Variants in NUDCD3 observed in about 807,000 individuals in gnomAD.
NUDCD3 encodes NudC domain containing 3, also known as nudC domain-containing protein 3.
NUDCD3 carries 13 observed loss-of-function variants against 39.7 expected under a neutral mutation model. The observed-to-expected ratio is 0.33, with a 90% CI of 0.21 to 0.52. The LOEUF is 0.52. Ranked by LOEUF, NUDCD3 falls within the 20% of genes least tolerant of loss-of-function variation. The pLI is 0.96. For synonymous variants in NUDCD3, 175 were observed against 172.4 expected, an observed-to-expected ratio of 1.02 and a Z score of -0.12; for missense variants, 453 against 458.1, an observed-to-expected ratio of 0.99 and a Z score of 0.10.
intron 4 of NUDCD3, among the ~76,000 whole-genome samples, chr7:44,398,276 T>G (rs1420602827): frequency 1.3e-5 from 2 of 152,220 alleles, no homozygotes; most frequent in African/African-American, 4.8e-5. Context: ...TGAAATTATC[T>G]ATCTATTGCT....
intron 5 of NUDCD3, among the ~76,000 whole-genome samples, chr7:44,386,701 C>G (rs987209855): frequency 1.6e-4 from 25 of 152,226 alleles, no homozygotes; most frequent in African/African-American, 5.8e-4. Flanking sequence ...ACCCGTCAGT[C>G]AGGAATTCCC....
intron 1 of NUDCD3, 56 bp from the exon 2 acceptor site, chr7:44,485,340 A>T: frequency 7.3e-7 from 1 of 1,367,240 alleles, no homozygotes; most frequent in Non-Finnish European, 1.0e-6. Context: ...TGTACCACAT[A>T]TCTTGTAGAA....
intron 2 of NUDCD3, among the ~76,000 whole-genome samples, chr7:44,447,858 G>T (rs907245059): frequency 1.3e-5 from 2 of 152,108 alleles, no homozygotes; most frequent in Non-Finnish European, 2.9e-5. Context: ...ATCAGCAAGG[G>T]GCACCTCTGT....
At chr7:44,412,696 G>A (rs1585062099) in intron 3 of NUDCD3, among the ~76,000 whole-genome samples, 1 of 152,026 alleles carries the variant, frequency 6.6e-6, no homozygotes, top group Admixed American at 6.5e-5. Flanking sequence ...GGGAGGCCGA[G>A]GCAGGTGGAT....
In NUDCD3 at chr7:44,384,588, G is replaced by C. The variant is rs1164653691; in HGVS notation, c.*1423C>G. ...CAAACCACAAACTTACTCTCCAAGA[G>C]AGCCCCCACAACCCAAGTATCCATA... On this transcript the variant is annotated 3_prime_UTR_variant, in exon 6 of 6. Coordinates refer to ENST00000355451, the MANE Select transcript of NUDCD3 (RefSeq NM_015332.4). 1 of 152,234 alleles carries C rather than the reference G, an allele frequency of 6.6e-6. No homozygotes were observed. Among genetic ancestry groups the C allele is most frequent in the African/African-American group, 2.4e-5 (1 of 41,462 alleles). 9.4% of individuals were successfully genotyped at this position (152,234 alleles called of 1,614,324 possible). A position where few individuals can be genotyped will look rare whatever the true frequency, so the allele number is the denominator to read the frequency against.
chr7:44,404,584 C>T lies in NUDCD3; in HGVS notation c.643-1G>A. The T allele has an allele frequency of 6.2e-7, 1 of 1,613,432 alleles. No homozygotes were observed. Among genetic ancestry groups the T allele is most frequent in the Non-Finnish European group, 8.5e-7 (1 of 1,179,902 alleles). On this transcript the variant is annotated splice_acceptor_variant, in intron 3 of 5. Coordinates refer to ENST00000355451, the MANE Select transcript of NUDCD3 (RefSeq NM_015332.4). LOFTEE classifies it high-confidence loss of function. The stretch of plus-strand genomic sequence containing the variant: ...AGCTGCTGCTAAGGGCCACTGAGAC[C>T]TGGGGACACAGCAGAAGAAAATCAT...
At chr7:44,487,170 T>C (rs769089789) in intron 1 of NUDCD3, among the ~76,000 whole-genome samples, 7 of 152,224 alleles carry the variant, frequency 4.6e-5, no homozygotes, top group Non-Finnish European at 1.0e-4. Flanking sequence ...TAATGTATTA[T>C]AAAATGGAAT....
chr7:44,455,997 G>A, intron 2 of NUDCD3, among the ~76,000 whole-genome samples: 1 of 107,386 alleles, frequency 9.3e-6, no homozygotes. Context: ...CTGCACTCCA[G>A]CCTGGGCGAC....
intron 2 of NUDCD3, among the ~76,000 whole-genome samples, chr7:44,454,835 TG>T (rs968756995): frequency 6.6e-6 from 1 of 151,928 alleles, no homozygotes; most frequent in Non-Finnish European, 1.5e-5. Flanking sequence ...CCAGAGGCTA[TG>T]GGTAGGAGGA....
chr7:44,389,531 A>C (rs1489066943), intron 5 of NUDCD3, among the ~76,000 whole-genome samples: 3 of 152,218 alleles, frequency 2.0e-5, no homozygotes, highest in Non-Finnish European at 4.4e-5. Flanking sequence ...ACAAAAATAC[A>C]AAATAAGGAG....
At chr7:44,484,714 C>A in intron 2 of NUDCD3, 1 of 422,690 alleles carries the variant, frequency 2.4e-6, no homozygotes, top group African/African-American at 2.0e-5. Context: ...GAGTCAAGTG[C>A]TCTAATTTTG....
chr7:44,399,240 C>T (rs1433626966), intron 4 of NUDCD3, among the ~76,000 whole-genome samples: 1 of 152,194 alleles, frequency 6.6e-6, no homozygotes, highest in East Asian at 1.9e-4. Context: ...CTTGGGCTAC[C>T]GCCTTCTGTT....
Position 44,380,832 on chromosome 7 carries a change from TC to T in NUDCD3, c.*5178del, listed in dbSNP as rs1334120746. On this transcript the variant is annotated 3_prime_UTR_variant, in exon 6 of 6. Coordinates refer to ENST00000355451, the MANE Select transcript of NUDCD3 (RefSeq NM_015332.4). ...GCTCGCTTTCCCTGCTAGAGGGGCCTCCTCCAAACCCCACAGTGCCCCAACA... is the reference window on the plus strand; with the variant it reads ...GCTCGCTTTCCCTGCTAGAGGGGCCTCTCCAAACCCCACAGTGCCCCAACA... 6.6e-6 allele frequency: 1 copy of T among 152,324 alleles called. No individual in the cohort carries two copies. Among genetic ancestry groups the T allele is most frequent in the African/African-American group, 2.4e-5 (1 of 41,458 alleles). The allele number at this position is 152,324 out of a possible 1,614,324, so 9.4% of individuals were successfully genotyped here. A position where few individuals can be genotyped will look rare whatever the true frequency, so the allele number is the denominator to read the frequency against.
intron 2 of NUDCD3, among the ~76,000 whole-genome samples, chr7:44,477,571 C>T (rs1007805327): frequency 3.3e-5 from 5 of 152,194 alleles, no homozygotes; most frequent in Non-Finnish European, 7.3e-5. Context: ...AAAGTTGACA[C>T]TGACGGCCCA....
chr7:44,467,793 A>G, intron 2 of NUDCD3: 2 of 765,818 alleles, frequency 2.6e-6, no homozygotes, highest in Non-Finnish European at 4.3e-6. Flanking sequence ...CCTATTGTAT[A>G]TAAGAAAAAA....
rs1585045238 is a variant in NUDCD3, at chr7:44,384,697, G to A, written c.*1314C>T. The A allele has an allele frequency of 6.6e-6, 1 of 152,274 alleles. No homozygotes were observed. The highest frequency in any genetic ancestry group is 6.5e-5 in the Admixed American group (1 of 15,280). 9.4% of individuals were successfully genotyped at this position (152,274 alleles called of 1,614,324 possible). On this transcript the variant is annotated 3_prime_UTR_variant, in exon 6 of 6. Coordinates refer to ENST00000355451, the MANE Select transcript of NUDCD3 (RefSeq NM_015332.4). ...CCTTGATTCTTGCTGGCCGTGCATGGTGCCAGGGTGCACTGCCCTGCTGTG... is the reference window on the plus strand; with the variant it reads ...CCTTGATTCTTGCTGGCCGTGCATGATGCCAGGGTGCACTGCCCTGCTGTG...
At position 44,424,233 on chromosome 7, in the gene NUDCD3, G is replaced by A. The variant is rs1296465300; in HGVS notation, c.642+3338C>T. On this transcript the variant is annotated intron_variant, in intron 3 of 5. Transcript: ENST00000355451. ...CAATAGCATTCAGGAACAGGCATGG[G>A]CAAAGACTTCATGACTAAAACACCA... 9.2e-5 allele frequency among the ~76,000 whole-genome samples: 14 copies of A among 152,264 alleles called. No individual in the cohort carries two copies. In the South Asian group the frequency reaches 1.0e-3, roughly 11 times the overall value.
At chr7:44,417,788 G>A (rs1169887750) in intron 3 of NUDCD3, among the ~76,000 whole-genome samples, 7 of 152,178 alleles carry the variant, frequency 4.6e-5, no homozygotes, top group East Asian at 1.9e-4. Context: ...ATAGAATTCC[G>A]TGTGGATGAT....
At chr7:44,393,806 T>C (rs750557438) in intron 4 of NUDCD3, among the ~76,000 whole-genome samples, 35 of 152,210 alleles carry the variant, frequency 2.3e-4, no homozygotes, top group Middle Eastern at 3.4e-3. Flanking sequence ...GGACACTTAC[T>C]GACCAGGTGG....
Sources: allele counts gnomAD v4.1 joint callset (sites outside exome capture counted in the v4.1 genomes callset), GRCh38; gene constraint gnomAD v4.1.1; transcripts MANE v1.5; gene names NCBI Gene and HGNC (gene_info 2026-07-23, HGNC 2026-07-21).